METTL15: variants seen among roughly 807,000 people sequenced by gnomAD.
The protein encoded by METTL15 is methyltransferase 15, mitochondrial 12S rRNA N4-cytidine.
A neutral mutation model predicts 38.3 loss-of-function variants in METTL15; 34 were observed. The observed-to-expected ratio is 0.89, with a 90% CI of 0.68 to 1.18. The LOEUF (loss-of-function observed/expected upper bound fraction) is 1.18, where lower values mean the gene tolerates loss of function less well. Among genes scored for constraint, METTL15 ranks in the 50% most tolerant of loss-of-function variants. The probability of loss-of-function intolerance (pLI) is 0.00; values close to 1 mark genes in which losing one functional copy is unlikely to be tolerated. For synonymous variants in METTL15, 162 were observed against 170.9 expected, an observed-to-expected ratio of 0.95 and a Z score of 0.41; for missense variants, 438 against 498.4, an observed-to-expected ratio of 0.88 and a Z score of 1.15.
chr11:28,261,985 TAATC>T (rs2133941546), intron 4 of METTL15, among the ~76,000 whole-genome samples: 1 of 152,310 alleles, frequency 6.6e-6, no homozygotes, highest in Non-Finnish European at 1.5e-5. Flanking sequence ...CACAGAGAAC[TAATC>T]ATTGGCAGAG....
At chr11:28,268,063 G>C (rs1855497837) in intron 4 of METTL15, among the ~76,000 whole-genome samples, 1 of 150,714 alleles carries the variant, frequency 6.6e-6, no homozygotes, top group Non-Finnish European at 1.5e-5. Flanking sequence ...CGGGCATAGT[G>C]GCGGGCGCCT....
intron 5 of METTL15, among the ~76,000 whole-genome samples, chr11:28,376,243 G>A (rs1430698799): frequency 7.9e-5 from 12 of 151,970 alleles, no homozygotes; most frequent in Non-Finnish European, 1.6e-4. Flanking sequence ...TGTCTCGTTG[G>A]TCTGTCTAAT....
chr11:28,293,462 T>G (rs1431703919), intron 5 of METTL15, among the ~76,000 whole-genome samples: 3 of 152,210 alleles, frequency 2.0e-5, no homozygotes, highest in Non-Finnish European at 4.4e-5. Flanking sequence ...ACTGTAGCCT[T>G]GTAGTATAGT....
At chr11:28,501,870 C>T (rs1851586118) in intron 6 of METTL15, among the ~76,000 whole-genome samples, 1 of 152,146 alleles carries the variant, frequency 6.6e-6, no homozygotes, top group African/African-American at 2.4e-5. Context: ...GAGACCGAGG[C>T]AGGCGGATCA....
intron 5 of METTL15, among the ~76,000 whole-genome samples, chr11:28,373,453 C>G (rs1400176365): frequency 6.6e-6 from 1 of 151,922 alleles, no homozygotes; most frequent in East Asian, 1.9e-4. Flanking sequence ...CCTTCGCCCA[C>G]TTTTTGATGG....
Position 28,223,110 on chromosome 11 carries a change from T to C in METTL15, c.407+11912T>C, listed in dbSNP as rs1478747361. On this transcript the variant is annotated intron_variant, in intron 4 of 6. Transcript: ENST00000407364. Reference sequence around the variant, plus strand: ...TAATCTTCTTAGAATCTTTTCCATCTAAGTAAAAGAATATCTAAGGAAACA... The same window carrying C: ...TAATCTTCTTAGAATCTTTTCCATCCAAGTAAAAGAATATCTAAGGAAACA... Among the ~76,000 whole-genome samples the C allele has an allele frequency of 2.0e-5, 3 of 152,162 alleles. No individual in the cohort carries two copies. In the East Asian group the frequency reaches 5.8e-4, roughly 29 times the overall value.
chr11:28,512,590 T>C (rs1193951066), intron 6 of METTL15, among the ~76,000 whole-genome samples: 1 of 152,200 alleles, frequency 6.6e-6, no homozygotes, highest in East Asian at 1.9e-4. Context: ...AAGCCCCTCA[T>C]TGCCTGGGGC....
At chr11:28,354,205 C>T (rs1018181266) in intron 4 of METTL15, among the ~76,000 whole-genome samples, 1 of 152,166 alleles carries the variant, frequency 6.6e-6, no homozygotes, top group Admixed American at 6.5e-5. Flanking sequence ...AAAGCACTCC[C>T]ATAGAGCACA....
chr11:28,351,258 C>T (rs755014673), intron 3 of METTL15, among the ~76,000 whole-genome samples: 9 of 152,020 alleles, frequency 5.9e-5, no homozygotes, highest in South Asian at 2.1e-4. Context: ...ACTACAGGCA[C>T]GCGCCACCAT....
intron 3 of METTL15, among the ~76,000 whole-genome samples, chr11:28,173,093 AAG>A (rs1046388977): frequency 1.3e-4 from 20 of 152,304 alleles, no homozygotes; most frequent in African/African-American, 4.6e-4. Context: ...TTTTTAAAAA[AAG>A]AGACAAAATT....
intron 3 of METTL15, among the ~76,000 whole-genome samples, chr11:28,130,329 A>G (rs966154250): frequency 2.6e-5 from 4 of 152,114 alleles, no homozygotes; most frequent in Admixed American, 6.6e-5. Context: ...AACAAAAACC[A>G]ACACACCTTC....
At chr11:28,448,236 C>G (rs1391813258) in intron 6 of METTL15, among the ~76,000 whole-genome samples, 1 of 152,188 alleles carries the variant, frequency 6.6e-6, no homozygotes, top group Non-Finnish European at 1.5e-5. Flanking sequence ...GAGATTTTCC[C>G]AGTATTTGTT....
intron 5 of METTL15, among the ~76,000 whole-genome samples, chr11:28,386,414 A>G (rs1322625819): frequency 1.3e-5 from 2 of 151,940 alleles, no homozygotes; most frequent in African/African-American, 2.4e-5. Flanking sequence ...TTAAAAGAGA[A>G]CAGGGTTGAT....
At chr11:28,177,735 C>A (rs372444518) in intron 3 of METTL15, among the ~76,000 whole-genome samples, 1 of 151,774 alleles carries the variant, frequency 6.6e-6, no homozygotes, top group African/African-American at 2.4e-5. Flanking sequence ...ATAATGAAAG[C>A]GTTGGAGTCT....
intron 4 of METTL15, among the ~76,000 whole-genome samples, chr11:28,223,410 G>A (rs1853334182): frequency 6.6e-6 from 1 of 152,090 alleles, no homozygotes; most frequent in Admixed American, 6.6e-5. Flanking sequence ...GGGAGTATTT[G>A]TGGCAATAAT....
At chr11:28,207,892 T>G (rs1852430559) in intron 3 of METTL15, among the ~76,000 whole-genome samples, 1 of 152,220 alleles carries the variant, frequency 6.6e-6, no homozygotes, top group African/African-American at 2.4e-5. Flanking sequence ...CTAGTTTATT[T>G]GCATAGAGGT....
chr11:28,113,787 C>T lies in METTL15; in HGVS notation c.270+183C>T, dbSNP rs138929993. On this transcript the variant is annotated intron_variant, in intron 3 of 6. Transcript: ENST00000407364. Reference sequence around the variant, plus strand: ...ATTGTACTTTTCAGTGCCATACAACCATGCTTTTTTTAACTTTCAGGACAA... The same window carrying T: ...ATTGTACTTTTCAGTGCCATACAACTATGCTTTTTTTAACTTTCAGGACAA... 3.3e-5 allele frequency among the ~76,000 whole-genome samples: 5 copies of T among 152,172 alleles called. No individual in the cohort carries two copies. In the East Asian group the frequency reaches 9.6e-4, roughly 29 times the overall value.
chr11:28,412,975 C>CTA (rs1265851543), intron 5 of METTL15, among the ~76,000 whole-genome samples: 1 of 151,946 alleles, frequency 6.6e-6, no homozygotes, highest in Non-Finnish European at 1.5e-5. Flanking sequence ...ATTATACTAT[C>CTA]TATATATATC....
At chr11:28,397,816 A>G (rs972901683) in intron 5 of METTL15, among the ~76,000 whole-genome samples, 2 of 152,170 alleles carry the variant, frequency 1.3e-5, no homozygotes, top group African/African-American at 2.4e-5. Context: ...ACTATTCACA[A>G]TAGCAATTAC....
Sources: allele counts gnomAD v4.1 joint callset (sites outside exome capture counted in the v4.1 genomes callset), GRCh38; gene constraint gnomAD v4.1.1; transcripts MANE v1.5; gene names NCBI Gene and HGNC (gene_info 2026-07-23, HGNC 2026-07-21).